The following NCKAP5 variants were observed in gnomAD, a reference collection of about 807,000 sequenced individuals.
NCKAP5 encodes nck-associated protein 5.
Under a neutral mutation model 167.0 loss-of-function variants are expected in NCKAP5, and 92 were observed. The observed-to-expected ratio is 0.55, with a 90% CI of 0.47 to 0.66. NCKAP5 has a LOEUF of 0.66. Among genes scored for constraint, NCKAP5 ranks in the 30% least tolerant of loss-of-function variants. NCKAP5 has a pLI of 0.00. For missense variants in NCKAP5, 2,378 were observed against 2,315.0 expected (o/e 1.03, Z -0.56); for synonymous variants, 891 against 877.4 (o/e 1.02, Z -0.27).
intron 16 of NCKAP5, among the ~76,000 whole-genome samples, chr2:132,760,641 G>A (rs896151150): frequency 6.7e-6 from 1 of 149,920 alleles, no homozygotes; most frequent in East Asian, 1.9e-4. Context: ...TTTCTATTGT[G>A]AGTTAATTTT....
At chr2:132,881,554 C>CTTTTTTT (rs35545031) in intron 8 of NCKAP5, among the ~76,000 whole-genome samples, 4 of 126,372 alleles carry the variant, frequency 3.2e-5, no homozygotes, top group African/African-American at 9.2e-5. Context: ...CCTTACCTTT[C>CTTTTTTT]TTTTTTTTTT....
intron 3 of NCKAP5, among the ~76,000 whole-genome samples, chr2:133,364,076 T>C (rs768807984): frequency 1.4e-4 from 22 of 152,182 alleles, no homozygotes; most frequent in Non-Finnish European, 2.8e-4. Flanking sequence ...ATCATCATCA[T>C]CATCATCGTC....
intron 16 of NCKAP5, among the ~76,000 whole-genome samples, chr2:132,747,225 T>C (rs1027073120): frequency 1.3e-5 from 2 of 150,962 alleles, no homozygotes; most frequent in Non-Finnish European, 2.9e-5. Context: ...CAGTGAACTC[T>C]GGTTGAACAC....
At position 133,334,373 on chromosome 2, in the gene NCKAP5, G is replaced by A. The variant is rs144098982; in HGVS notation, c.70-31263C>T. Among the ~76,000 whole-genome samples, 14 of 151,906 alleles carry A rather than the reference G, an allele frequency of 9.2e-5. No individual in the cohort carries two copies. The East Asian group carries it at 2.7e-3, about 29-fold the overall frequency. On this transcript the variant is annotated intron_variant, in intron 3 of 19. Transcript: ENST00000409261. ...TGGTGGTAAAGTATCTGTCATGGAG[G>A]GCATGCCATGCGACAGATGCTAGCT...
intron 11 of NCKAP5, among the ~76,000 whole-genome samples, chr2:132,812,832 G>A (rs1470836334): frequency 7.9e-5 from 12 of 152,148 alleles, no homozygotes; most frequent in Admixed American, 6.5e-5. Context: ...CAGTGTCTGC[G>A]GAGGGCCTAT....
At chr2:132,810,083 G>A (rs1291460498) in intron 11 of NCKAP5, among the ~76,000 whole-genome samples, 2 of 152,186 alleles carry the variant, frequency 1.3e-5, no homozygotes, top group South Asian at 2.1e-4. Flanking sequence ...GCTGATAATT[G>A]TTTTGTTTGA....
chr2:133,287,982 G>A (rs1679281688), intron 4 of NCKAP5, among the ~76,000 whole-genome samples: 1 of 152,062 alleles, frequency 6.6e-6, no homozygotes, highest in Admixed American at 6.5e-5. Context: ...AACATGCTTG[G>A]TTTTACAGAA....
chr2:132,954,396 A>G (rs995721515), intron 8 of NCKAP5, among the ~76,000 whole-genome samples: 1 of 152,202 alleles, frequency 6.6e-6, no homozygotes, highest in Admixed American at 6.5e-5. Flanking sequence ...GTTCTTAAAT[A>G]AGAAATCTAA....
At chr2:132,938,885 C>T (rs1157265917) in intron 8 of NCKAP5, among the ~76,000 whole-genome samples, 1 of 152,130 alleles carries the variant, frequency 6.6e-6, no homozygotes, top group Non-Finnish European at 1.5e-5. Context: ...TCCCTTGCCC[C>T]AGCCCCCGCC....
chr2:133,000,008 T>C (rs887993625), intron 6 of NCKAP5, among the ~76,000 whole-genome samples: 3 of 152,220 alleles, frequency 2.0e-5, no homozygotes, highest in African/African-American at 4.8e-5. Flanking sequence ...TATTTTAACA[T>C]GTTTACTTGC....
chr2:132,940,515 C>A (rs1697214580), intron 8 of NCKAP5, among the ~76,000 whole-genome samples: 1 of 151,770 alleles, frequency 6.6e-6, no homozygotes, highest in Non-Finnish European at 1.5e-5. Context: ...ATTCTAAGAG[C>A]AAAAAGTAAT....
intron 3 of NCKAP5, among the ~76,000 whole-genome samples, chr2:133,324,842 C>T (rs1682321456): frequency 1.3e-5 from 2 of 152,020 alleles, no homozygotes; most frequent in African/African-American, 4.8e-5. Flanking sequence ...GCCTCAGCCT[C>T]CCAAGTATCT....
At position 132,912,260 on chromosome 2, in the gene NCKAP5, T is replaced by C. The variant is rs188755702; in HGVS notation, c.580-33344A>G. 2.6e-5 allele frequency among the ~76,000 whole-genome samples: 4 copies of C among 152,292 alleles called. No individual in the cohort carries two copies. The East Asian group carries it at 5.8e-4, about 22-fold the overall frequency. On this transcript the variant is annotated intron_variant, in intron 8 of 19. Coordinates refer to ENST00000409261, the MANE Select transcript of NCKAP5 (RefSeq NM_207363.3). ...CAGTGCCCTTTGGGAAAAGTCATCA[T>C]ATGGTCCAGAGGAAGAAATGCATCC...
Position 132,811,037 on chromosome 2 carries a change from T to C in NCKAP5, c.808-14308A>G, listed in dbSNP as rs144877171. 1.4e-3 allele frequency among the ~76,000 whole-genome samples: 214 copies of C among 152,274 alleles called. 1 individual carries two copies. The highest frequency in any genetic ancestry group is 4.9e-3 in the African/African-American group (203 of 41,558). Reference sequence around the variant, plus strand: ...TAAGCCAAAAGTGATTGTTGTCTCTTTTCCAGATCTAGCCACCCAGTGAGT... The same window carrying C: ...TAAGCCAAAAGTGATTGTTGTCTCTCTTCCAGATCTAGCCACCCAGTGAGT... On this transcript the variant is annotated intron_variant, in intron 11 of 19. Coordinates refer to ENST00000409261, the MANE Select transcript of NCKAP5 (RefSeq NM_207363.3).
intron 5 of NCKAP5, among the ~76,000 whole-genome samples, chr2:133,153,896 C>T (rs79276858): frequency 0.029 from 4,189 of 142,732 alleles, 184 homozygotes; most frequent in African/African-American, 0.1. Context: ...AGCGTAACGG[C>T]GCAATCTCAG....
chr2:133,569,284 C>A (rs180827473), upstream of NCKAP5, among the ~76,000 whole-genome samples: 22 of 152,230 alleles, frequency 1.4e-4, no homozygotes, highest in African/African-American at 4.8e-4. Context: ...TCCCCTCCAA[C>A]CCCTAGCCCC....
intron 5 of NCKAP5, among the ~76,000 whole-genome samples, chr2:133,177,454 C>T (rs2084519660): frequency 6.6e-6 from 1 of 152,064 alleles, no homozygotes; most frequent in South Asian, 2.1e-4. Context: ...ATGTGCAACC[C>T]CGCACAGCTT....
At chr2:133,253,445 A>C (rs1412193588) in intron 4 of NCKAP5, among the ~76,000 whole-genome samples, 1 of 152,212 alleles carries the variant, frequency 6.6e-6, no homozygotes, top group African/African-American at 2.4e-5. Flanking sequence ...GACAGAAGTT[A>C]ATCACTGGGT....
intron 6 of NCKAP5, among the ~76,000 whole-genome samples, chr2:133,029,738 A>G (rs562433867): frequency 3.7e-4 from 57 of 152,310 alleles, no homozygotes; most frequent in Admixed American, 3.3e-3. Context: ...ATCCCCAGGC[A>G]TATCAGGCTG....
Sources: gnomAD v4.1 joint callset for allele counts (sites outside exome capture counted in the v4.1 genomes callset) on GRCh38, gnomAD v4.1.1 for gene constraint, MANE v1.5 for transcripts, NCBI Gene and HGNC (gene_info 2026-07-23, HGNC 2026-07-21) for gene names.